The following EMILIN2 variants were observed in gnomAD, a reference collection of about 807,000 sequenced individuals.
EMILIN2 encodes the protein elastin microfibril interfacer 2.
In EMILIN2, 71 loss-of-function variants were observed where a neutral mutation model predicts 87.1. That is an observed-to-expected ratio of 0.82 (90% CI 0.67 to 0.99). The LOEUF (loss-of-function observed/expected upper bound fraction) is 0.99. Ranked by LOEUF, EMILIN2 falls within the 50% of genes least tolerant of loss-of-function variation. The pLI is 0.00. For synonymous variants in EMILIN2, 581 were observed against 563.4 expected (o/e 1.03, Z -0.44); for missense variants, 1,407 against 1,371.8 (o/e 1.03, Z -0.40).
At chr18:2,901,686 G>C (rs1017750596) in intron 4 of EMILIN2, among the ~76,000 whole-genome samples, 1 of 152,190 alleles carries the variant, frequency 6.6e-6, no homozygotes, top group Non-Finnish European at 1.5e-5. Context: ...CATTTCAAAT[G>C]GTCTGTTCTT....
At chr18:2,858,555 A>ATATATGTGTGTGTGTGTGTG (rs1909202533) in intron 2 of EMILIN2, among the ~76,000 whole-genome samples, 2 of 52,310 alleles carry the variant, frequency 3.8e-5, no homozygotes, top group African/African-American at 2.9e-4. Flanking sequence ...ATATATATAT[A>ATATATGTGTGTGTGTGTGTG]TATATATATA....
At position 2,885,093 on chromosome 18, in the gene EMILIN2, C is replaced by A; in HGVS notation, c.387C>A (p.Leu129=). Residue 129 remains leucine, a synonymous_variant, in exon 3 of 8, where the codon CTC becomes CTA. Coordinates refer to ENST00000254528, the MANE Select transcript of EMILIN2 (RefSeq NM_032048.3). ...GTCCCAAAGACCCCGTGAAGACCCT[C>A]CGCCCCACGCCGGCTCGGCCTCGAA... ...QEGPKDPVKT[L]RPTPARPRNS... is the part of the protein sequence containing the mutation. 1 of 1,612,486 alleles carries A rather than the reference C, an allele frequency of 6.2e-7. No individual in the cohort carries two copies.
chr18:2,886,701 A>G (rs1358646575), intron 3 of EMILIN2, among the ~76,000 whole-genome samples: 1 of 152,206 alleles, frequency 6.6e-6, no homozygotes, highest in Non-Finnish European at 1.5e-5. Flanking sequence ...GTGGTGTACT[A>G]TGAATAGATT....
Position 2,906,774 on chromosome 18 carries a change from G to A in EMILIN2, c.2360-9G>A, listed in dbSNP as rs750211877. On this transcript the variant is annotated splice_polypyrimidine_tract_variant and intron_variant, in intron 4 of 7. Transcript: ENST00000254528. ...TCCCGTGTGTTTCTTTCTCCCCGAC[G>A]CCCGGCAGAGGCGCCCTCGCCCCCG... is the stretch of plus-strand genomic sequence containing the variant. 2 of 1,257,456 alleles carry A rather than the reference G, an allele frequency of 1.6e-6. No individual in the cohort carries two copies. The highest frequency in any genetic ancestry group is 2.0e-6 in the Non-Finnish European group (2 of 1,004,924). The allele number at this position is 1,257,456 out of a possible 1,614,324, so 77.9% of individuals were successfully genotyped here.
Position 2,913,046 on chromosome 18 carries a change from G to T in EMILIN2, c.2825-21G>T, listed in dbSNP as rs747912224. ...CTGTGACGACAGCAGGTGAGCACAG[G>T]GTTTGCCTTTCTCCCCGCAGGGGTC... On this transcript the variant is annotated intron_variant, in intron 7 of 7. Transcript: ENST00000254528. The T allele has an allele frequency of 2.9e-5, 46 of 1,604,374 alleles. No individual in the cohort carries two copies. The Middle Eastern group carries it at 8.5e-4, about 29-fold the overall frequency.
chr18:2,892,207 G>C lies in EMILIN2; in HGVS notation c.2080G>C (p.Gly694Arg), dbSNP rs753375646. 33 of 1,608,024 alleles carry C rather than the reference G, an allele frequency of 2.1e-5. No homozygotes were observed. In the East Asian group the frequency reaches 2.2e-4, roughly 11 times the overall value. Residue 694 changes from glycine (G) to arginine (R), a missense_variant, in exon 4 of 8, where the codon GGG (glycine) becomes CGG (arginine). Transcript: ENST00000254528. The stretch of plus-strand genomic sequence containing the variant: ...GGATGCTTGTAAGGAATGCACGCAG[G>C]GGGTCCAGAGGGAGGTCTCCATGGT... The part of the protein sequence containing the change: ...ELDACKECTQ[G>R]VQREVSMVEG...
In EMILIN2 at chr18:2,890,518, G is replaced by A. The variant is rs750981743; in HGVS notation, c.434-43G>A. ...ATTGTCTTGGCAGAATCTGGCTAAAGGTAGAAAATGTTCATTCATGTCCAA... is the reference window on the plus strand; with the variant it reads ...ATTGTCTTGGCAGAATCTGGCTAAAAGTAGAAAATGTTCATTCATGTCCAA... On this transcript the variant is annotated intron_variant, in intron 3 of 7. Coordinates refer to ENST00000254528, the MANE Select transcript of EMILIN2 (RefSeq NM_032048.3). The surrounding 1 kb of genome is among the most constrained non-coding windows in gnomAD (Gnocchi z 4.7). 2 of 1,517,360 alleles carry A rather than the reference G, an allele frequency of 1.3e-6. No individual in the cohort carries two copies. Among genetic ancestry groups the A allele is most frequent in the East Asian group, 2.3e-5 (1 of 43,946 alleles). The allele number at this position is 1,517,360 out of a possible 1,614,324, so 94.0% of individuals were successfully genotyped here.
At chr18:2,899,442 A>G (rs2076878412) in intron 4 of EMILIN2, among the ~76,000 whole-genome samples, 1 of 152,212 alleles carries the variant, frequency 6.6e-6, no homozygotes, top group Non-Finnish European at 1.5e-5. Context: ...CTTAAAATCA[A>G]GCAGTATAGA....
At position 2,914,720 on chromosome 18, in the gene EMILIN2, A is replaced by G. The variant is rs532091222; in HGVS notation, c.*1316A>G. The G allele has an allele frequency of 6.6e-6, 1 of 152,212 alleles. No individual in the cohort carries two copies. The highest frequency in any genetic ancestry group is 2.1e-4 in the South Asian group (1 of 4,816). The allele number at this position is 152,212 out of a possible 1,614,324, so 9.4% of individuals were successfully genotyped here. A position where few individuals can be genotyped will look rare whatever the true frequency, so the allele number is the denominator to read the frequency against. On this transcript the variant is annotated 3_prime_UTR_variant, in exon 8 of 8. Coordinates refer to ENST00000254528, the MANE Select transcript of EMILIN2 (RefSeq NM_032048.3). ...AAGATGCTCTTATGCTGTAAAAAAA[A>G]TGCTTTAAGAATTGTTTGCAAATGA...
In EMILIN2 at chr18:2,913,763, C is replaced by T. The variant is rs1018899896; in HGVS notation, c.*359C>T. ...GAGGGAGGCAGGGGAGAGCCGGTCA[C>T]GGTGGCTGGTCTTTACTGCAGGGCA... On this transcript the variant is annotated 3_prime_UTR_variant, in exon 8 of 8. Coordinates refer to ENST00000254528, the MANE Select transcript of EMILIN2 (RefSeq NM_032048.3). The T allele has an allele frequency of 2.0e-4, 48 of 236,226 alleles. 2 individuals are homozygous for T. In the South Asian group the frequency reaches 3.2e-3, roughly 16 times the overall value. 14.6% of individuals were successfully genotyped at this position (236,226 alleles called of 1,614,324 possible).
chr18:2,864,576 T>C (rs547514660), intron 2 of EMILIN2, among the ~76,000 whole-genome samples: 1 of 152,360 alleles, frequency 6.6e-6, no homozygotes, highest in African/African-American at 2.4e-5. Flanking sequence ...GAGTTTCTGC[T>C]GAGAGATCAG....
At chr18:2,883,692 G>C (rs138269801) in intron 2 of EMILIN2, among the ~76,000 whole-genome samples, 1 of 152,328 alleles carries the variant, frequency 6.6e-6, no homozygotes, top group Non-Finnish European at 1.5e-5. Flanking sequence ...GGACTTTCCA[G>C]CTCACTGCAA....
intron 4 of EMILIN2, among the ~76,000 whole-genome samples, chr18:2,895,343 G>C (rs2076858490): frequency 6.6e-6 from 1 of 152,166 alleles, no homozygotes; most frequent in African/African-American, 2.4e-5. Flanking sequence ...AGGAGGAGGT[G>C]TTACTGGATC....
chr18:2,907,939 C>T (rs746103251), intron 5 of EMILIN2, among the ~76,000 whole-genome samples: 4 of 152,208 alleles, frequency 2.6e-5, no homozygotes, highest in Admixed American at 2.6e-4. Context: ...GACATGCAGA[C>T]ACTGGCAGGG....
At chr18:2,907,136 C>G (rs1190707705) in intron 5 of EMILIN2, 51 bp downstream of exon 5, 1 of 1,227,444 alleles carries the variant, frequency 8.1e-7, no homozygotes, top group Non-Finnish European at 1.0e-6. Flanking sequence ...CCGGAACTTC[C>G]GCCTGAGCCT....
chr18:2,851,439 CACAG>C (rs2076601222), intron 2 of EMILIN2, among the ~76,000 whole-genome samples: 1 of 152,044 alleles, frequency 6.6e-6, no homozygotes, highest in African/African-American at 2.4e-5. Flanking sequence ...TGTCTCGAAA[CACAG>C]AGAGAGAGCA....
rs570807546 is a variant in EMILIN2 at position 2,890,035 on chromosome 18, GAGGATAACATC to G, written c.434-523_434-513del. Among the ~76,000 whole-genome samples the G allele has an allele frequency of 1.2e-3, 185 of 152,286 alleles. No individual in the cohort carries two copies. Among genetic ancestry groups the G allele is most frequent in the Non-Finnish European group, 2.3e-3 (159 of 68,026 alleles). On this transcript the variant is annotated intron_variant, in intron 3 of 7. Transcript: ENST00000254528. The surrounding 1 kb of genome is among the most constrained non-coding windows in gnomAD (Gnocchi z 4.7). ...GGACAAAACATTCAGGCACTGCTTT[GAGGATAACATC>G]AGAAAATATGATATCATATGATATC...
intron 2 of EMILIN2, among the ~76,000 whole-genome samples, chr18:2,873,177 G>A (rs1054444018): frequency 2.0e-5 from 3 of 152,162 alleles, no homozygotes; most frequent in East Asian, 1.9e-4. Context: ...TTGGGAGGCC[G>A]AGGCAGGTGG....
At position 2,913,466 on chromosome 18, in the gene EMILIN2, A is replaced by G. The variant is rs1274368713; in HGVS notation, c.*62A>G. On this transcript the variant is annotated 3_prime_UTR_variant, in exon 8 of 8. Coordinates refer to ENST00000254528, the MANE Select transcript of EMILIN2 (RefSeq NM_032048.3). ...TGTAAAAACTCTAAAGCTTTAATAT[A>G]TTCGGTTTGTATGTAATGGAAGCAC... 8 of 1,360,484 alleles carry G rather than the reference A, an allele frequency of 5.9e-6. No individual in the cohort carries two copies. The Admixed American group carries it at 1.7e-4, about 28-fold the overall frequency. 84.3% of individuals were successfully genotyped at this position (1,360,484 alleles called of 1,614,324 possible). A position where few individuals can be genotyped will look rare whatever the true frequency, so the allele number is the denominator to read the frequency against.
Sources: gnomAD v4.1 joint callset for allele counts (sites outside exome capture counted in the v4.1 genomes callset) on GRCh38, gnomAD v4.1.1 for gene constraint, Gnocchi (gnomAD v3.1) non-coding constraint, MANE v1.5 for transcripts, NCBI Gene and HGNC (gene_info 2026-07-23, HGNC 2026-07-21) for gene names.